The following LRP1B variants were observed in gnomAD, a reference collection of about 807,000 sequenced individuals.
The protein encoded by LRP1B is LDL receptor related protein 1B.
LRP1B carries 217 observed loss-of-function variants against 556.6 expected under a neutral mutation model. The observed-to-expected ratio is 0.39, with a 90% confidence interval of 0.35 to 0.44. The LOEUF (loss-of-function observed/expected upper bound fraction) is 0.44, where lower values mean the gene tolerates loss of function less well. Ranked by LOEUF, LRP1B falls within the 20% of genes least tolerant of loss-of-function variation. LRP1B has a pLI of 1.00. For synonymous variants in LRP1B, 2,047 were observed against 1,865.8 expected, an observed-to-expected ratio of 1.10 and a Z score of -2.50; for missense variants, 5,053 against 5,620.8, an observed-to-expected ratio of 0.90 and a Z score of 3.23.
At chr2:140,953,444 A>G (rs1695780375) in intron 18 of LRP1B, among the ~76,000 whole-genome samples, 1 of 152,110 alleles carries the variant, frequency 6.6e-6, no homozygotes, top group South Asian at 2.1e-4. Context: ...TGTGACTAAT[A>G]TTTGTTTTTC....
chr2:141,846,162 A>T (rs568943636), intron 1 of LRP1B, among the ~76,000 whole-genome samples: 1 of 151,918 alleles, frequency 6.6e-6, no homozygotes, highest in South Asian at 2.1e-4. Flanking sequence ...TCTGCAAACA[A>T]GGAAAAAAGA....
At chr2:141,928,682 A>G (rs1700403987) in intron 1 of LRP1B, among the ~76,000 whole-genome samples, 1 of 152,110 alleles carries the variant, frequency 6.6e-6, no homozygotes, top group Non-Finnish European at 1.5e-5. Flanking sequence ...GGCATGTTGG[A>G]AGCATGAAAT....
chr2:140,756,714 T>C (rs1480057408), intron 35 of LRP1B, among the ~76,000 whole-genome samples: 1 of 152,120 alleles, frequency 6.6e-6, no homozygotes, highest in Non-Finnish European at 1.5e-5. Flanking sequence ...AAACATTGCA[T>C]TTAAAAAGAA....
At chr2:140,632,170 A>T (rs1209056631) in intron 41 of LRP1B, among the ~76,000 whole-genome samples, 3 of 152,234 alleles carry the variant, frequency 2.0e-5, no homozygotes, top group Non-Finnish European at 2.9e-5. Flanking sequence ...GGGAGAAGGA[A>T]AATGATACAA....
chr2:142,005,063 T>C (rs1702761361), intron 1 of LRP1B, among the ~76,000 whole-genome samples: 1 of 148,344 alleles, frequency 6.7e-6, no homozygotes, highest in Non-Finnish European at 1.5e-5. Flanking sequence ...TATAATTATA[T>C]ATACTCTATA....
chr2:141,419,838 T>C (rs1680072015), intron 3 of LRP1B, among the ~76,000 whole-genome samples: 2 of 146,384 alleles, frequency 1.4e-5, no homozygotes, highest in East Asian at 2.0e-4. Context: ...GATTATTTAT[T>C]TGAGATCTTT....
chr2:140,323,110 A>AT (rs1680242347), intron 81 of LRP1B, among the ~76,000 whole-genome samples: 1 of 152,042 alleles, frequency 6.6e-6, no homozygotes, highest in African/African-American at 2.4e-5. Context: ...ACCAAACAAG[A>AT]TAAAATCCAT....
intron 7 of LRP1B, among the ~76,000 whole-genome samples, chr2:141,115,106 T>A (rs986579352): frequency 1.3e-5 from 2 of 152,042 alleles, no homozygotes; most frequent in Non-Finnish European, 2.9e-5. Flanking sequence ...AAAATTATAG[T>A]ATGGTCATAG....
At chr2:141,959,664 A>G (rs1701349816) in intron 1 of LRP1B, among the ~76,000 whole-genome samples, 1 of 152,012 alleles carries the variant, frequency 6.6e-6, no homozygotes, top group Admixed American at 6.6e-5. Flanking sequence ...TTAATAAAAT[A>G]CATTTAAAAT....
At chr2:142,063,306 G>A (rs1704988001) in intron 1 of LRP1B, among the ~76,000 whole-genome samples, 1 of 151,534 alleles carries the variant, frequency 6.6e-6, no homozygotes, top group Non-Finnish European at 1.5e-5. Flanking sequence ...ACAGATGGAA[G>A]TGGTATGAAA....
chr2:141,044,449 A>C (rs985494665), intron 11 of LRP1B, among the ~76,000 whole-genome samples: 23 of 151,480 alleles, frequency 1.5e-4, no homozygotes, highest in African/African-American at 5.1e-4. Flanking sequence ...GAGCTTCTGC[A>C]CAGCAAAAGA....
intron 67 of LRP1B, among the ~76,000 whole-genome samples, chr2:140,381,861 C>CAAAAAAAAAAAAAAAAAAAAAAAAAAA: frequency 1.6e-5 from 1 of 64,200 alleles, no homozygotes; most frequent in Non-Finnish European, 3.2e-5. Context: ...GGCTCCCTTT[C>CAAAAAAAAAAAAAAAAAAAAAAAAAAA]AAAAAAAAAA....
chr2:141,192,484 T>C (rs1044874030), intron 6 of LRP1B, among the ~76,000 whole-genome samples: 1 of 151,922 alleles, frequency 6.6e-6, no homozygotes, highest in African/African-American at 2.4e-5. Flanking sequence ...ACCATAATCA[T>C]TTTATGACAT....
intron 6 of LRP1B, among the ~76,000 whole-genome samples, chr2:141,217,287 G>T (rs530178511): frequency 1.1e-4 from 17 of 152,074 alleles, no homozygotes; most frequent in South Asian, 2.1e-4. Context: ...TCCTAGTTTT[G>T]TAGGTTCATT....
At chr2:140,279,088 ACT>A (rs1189781997) in intron 84 of LRP1B, among the ~76,000 whole-genome samples, 2 of 150,474 alleles carry the variant, frequency 1.3e-5, no homozygotes, top group Non-Finnish European at 3.0e-5. Context: ...TTCCCTCTCC[ACT>A]CTCTCTCTTT....
intron 1 of LRP1B, among the ~76,000 whole-genome samples, chr2:142,102,538 A>C: frequency 7.9e-6 from 1 of 126,508 alleles, no homozygotes; most frequent in South Asian, 2.5e-4. Flanking sequence ...CAAAGGTGAA[A>C]AAATTAAAAT....
At chr2:140,927,296 C>G (rs142146737) in intron 20 of LRP1B, among the ~76,000 whole-genome samples, 1 of 152,224 alleles carries the variant, frequency 6.6e-6, no homozygotes, top group African/African-American at 2.4e-5. Flanking sequence ...CAGAGGGAGA[C>G]TCTGTCTCAC....
chr2:141,465,830 G>T (rs2105055674), intron 3 of LRP1B, among the ~76,000 whole-genome samples: 1 of 152,122 alleles, frequency 6.6e-6, no homozygotes, highest in East Asian at 1.9e-4. Flanking sequence ...ACAGGTGTGA[G>T]CCACTGTGCC....
Position 140,748,119 on chromosome 2 carries a change from ATATATATATATATATAT to A in LRP1B, c.5758+21077_5758+21093del, listed in dbSNP as rs1559093593. On this transcript the variant is annotated intron_variant, in intron 35 of 90. Transcript: ENST00000389484. The stretch of plus-strand genomic sequence containing the variant: ...TATATATATATATATATATATATAT[ATATATATATATATATAT>A]AATTCATATATATGTGTGTATATAT... Among the ~76,000 whole-genome samples the A allele has an allele frequency of 8.5e-3, 1,129 of 132,984 alleles. 34 individuals carry two copies. Among genetic ancestry groups the A allele is most frequent in the African/African-American group, 0.029 (1,040 of 35,630 alleles). 87.2% of individuals were successfully genotyped at this position (132,984 alleles called of 152,430 possible).
Sources: allele counts gnomAD v4.1 joint callset (sites outside exome capture counted in the v4.1 genomes callset), GRCh38; gene constraint gnomAD v4.1.1; transcripts MANE v1.5; gene names NCBI Gene and HGNC (gene_info 2026-07-23, HGNC 2026-07-21).